The following RASA3 variants were observed in gnomAD, a reference collection of about 807,000 sequenced individuals.
RASA3 encodes the protein RAS p21 protein activator 3, also known as ras GTPase-activating protein 3.
A neutral mutation model predicts 110.0 loss-of-function variants in RASA3; 73 were observed. That is an observed-to-expected ratio of 0.66 (90% CI 0.55 to 0.81). RASA3 has a LOEUF of 0.81. Among genes scored for constraint, RASA3 ranks in the 30% least tolerant of loss-of-function variants. The probability of loss-of-function intolerance (pLI) is 0.00; values close to 1 mark genes in which losing one functional copy is unlikely to be tolerated. For missense variants in RASA3, 976 were observed against 1,113.2 expected, an observed-to-expected ratio of 0.88 and a Z score of 1.75; for synonymous variants, 500 against 451.4, an observed-to-expected ratio of 1.11 and a Z score of -1.37.
At chr13:114,049,223 G>T (rs1594386600) in intron 3 of RASA3, among the ~76,000 whole-genome samples, 2 of 152,162 alleles carry the variant, frequency 1.3e-5, no homozygotes, top group South Asian at 4.2e-4. Flanking sequence ...GAAGCCAGTG[G>T]CCACCGCGCA....
chr13:114,063,863 G>A (rs1444381125), intron 2 of RASA3, among the ~76,000 whole-genome samples: 1 of 152,162 alleles, frequency 6.6e-6, no homozygotes, highest in Non-Finnish European at 1.5e-5. Context: ...TTGCTAAACC[G>A]GTGGCAAAAA....
chr13:114,013,536 C>T (rs2053693799), intron 14 of RASA3, among the ~76,000 whole-genome samples: 1 of 146,250 alleles, frequency 6.8e-6, no homozygotes, highest in Admixed American at 6.8e-5. Context: ...CTCTCTGTCT[C>T]TCTCCCTCTC....
chr13:114,080,601 C>T (rs906534620), intron 1 of RASA3, among the ~76,000 whole-genome samples: 9 of 151,698 alleles, frequency 5.9e-5, no homozygotes, highest in African/African-American at 1.2e-4. Context: ...TCTATGGTGA[C>T]GGGGTGGCAG....
At chr13:114,075,027 G>A (rs972801762) in intron 1 of RASA3, among the ~76,000 whole-genome samples, 2 of 152,168 alleles carry the variant, frequency 1.3e-5, no homozygotes, top group African/African-American at 2.4e-5. Context: ...TTCTGCCTCC[G>A]TCATTTGGCT....
intron 4 of RASA3, among the ~76,000 whole-genome samples, chr13:114,040,706 C>CTG (rs2054383875): frequency 6.9e-5 from 10 of 144,210 alleles, no homozygotes; most frequent in African/African-American, 2.0e-4. Flanking sequence ...AAAATCCACA[C>CTG]GCGGAGCCCG....
intron 1 of RASA3, among the ~76,000 whole-genome samples, chr13:114,105,735 C>A (rs1024595998): frequency 7.9e-5 from 12 of 152,258 alleles, no homozygotes; most frequent in Non-Finnish European, 1.5e-4. Context: ...GCAGCCCGTC[C>A]GTTGTCCTGA....
At chr13:114,005,741 C>T (rs1199881033) in intron 18 of RASA3, among the ~76,000 whole-genome samples, 1 of 151,912 alleles carries the variant, frequency 6.6e-6, no homozygotes, top group Non-Finnish European at 1.5e-5. Flanking sequence ...ATCCCTTTCT[C>T]CCCTCCGGCC....
At chr13:114,070,915 C>T (rs1481372997) in intron 2 of RASA3, among the ~76,000 whole-genome samples, 10 of 125,612 alleles carry the variant, frequency 8.0e-5, no homozygotes, top group African/African-American at 3.0e-4. Context: ...CAGTTTTACA[C>T]GTGGGCAGGG....
At chr13:114,013,291 A>G (rs2053681979) in intron 14 of RASA3, 43 bp from the exon 15 acceptor site, 1 of 1,497,550 alleles carries the variant, frequency 6.7e-7, no homozygotes, top group Admixed American at 1.9e-5. Flanking sequence ...CTCGGGCACA[A>G]TGGCCTCGTG....
chr13:113,980,309 ACCT>A (rs1002211203), intron 23 of RASA3, among the ~76,000 whole-genome samples: 30 of 118,950 alleles, frequency 2.5e-4, no homozygotes, highest in Middle Eastern at 7.4e-3. Flanking sequence ...ATGTATGTGC[ACCT>A]CCTCCGTCTG....
intron 1 of RASA3, among the ~76,000 whole-genome samples, chr13:114,097,215 G>A (rs528403420): frequency 3.3e-5 from 5 of 152,226 alleles, no homozygotes; most frequent in Non-Finnish European, 5.9e-5. Flanking sequence ...CGAGAGGCCT[G>A]GGTGGTCTTA....
intron 23 of RASA3, among the ~76,000 whole-genome samples, chr13:113,980,446 CATGT>C (rs908678301): frequency 2.0e-5 from 2 of 100,640 alleles, no homozygotes; most frequent in African/African-American, 8.9e-5. Context: ...CACCTCCTGC[CATGT>C]GTGTGCACCT....
rs923215932 is a variant in RASA3 at position 114,048,925 on chromosome 13, C to A, written c.277+3127G>T. Reference sequence around the variant, plus strand: ...CTTTATTTCCCCAAGTCTCACTTGCCGGGGCGCCGTATCCCGGCACGGCTT... The same window carrying A: ...CTTTATTTCCCCAAGTCTCACTTGCAGGGGCGCCGTATCCCGGCACGGCTT... On this transcript the variant is annotated intron_variant, in intron 3 of 23. Coordinates refer to ENST00000334062, the MANE Select transcript of RASA3 (RefSeq NM_007368.4). This position sits in a 1 kb window ranked among gnomAD's most constrained non-coding sequence, Gnocchi z 4.3. 1.3e-5 allele frequency among the ~76,000 whole-genome samples: 2 copies of A among 151,948 alleles called. No homozygotes were observed. Among genetic ancestry groups the A allele is most frequent in the African/African-American group, 2.4e-5 (1 of 41,358 alleles).
chr13:114,109,744 G>A (rs542299787), intron 1 of RASA3, among the ~76,000 whole-genome samples: 3 of 151,788 alleles, frequency 2.0e-5, no homozygotes, highest in African/African-American at 7.3e-5. Flanking sequence ...AACGCCGTGA[G>A]CAGCCTCCTC....
intron 4 of RASA3, among the ~76,000 whole-genome samples, chr13:114,030,629 AGTCT>A (rs1368005804): frequency 1.3e-5 from 2 of 152,224 alleles, no homozygotes; most frequent in African/African-American, 4.8e-5. Flanking sequence ...TCTCTAGATC[AGTCT>A]GTCTGTGTGT....
chr13:114,097,668 C>T (rs935611283), intron 1 of RASA3, among the ~76,000 whole-genome samples: 12 of 152,378 alleles, frequency 7.9e-5, no homozygotes, highest in Non-Finnish European at 5.9e-5. Context: ...TCCTTCTCCT[C>T]GTCCCAGTCC....
At chr13:114,041,314 G>T (rs2054401637) in intron 3 of RASA3, among the ~76,000 whole-genome samples, 1 of 152,250 alleles carries the variant, frequency 6.6e-6, no homozygotes, top group East Asian at 1.9e-4. Flanking sequence ...GTGAAAACTT[G>T]TCTCTACAAA....
At chr13:114,002,498 G>T (rs547979120) in intron 18 of RASA3, among the ~76,000 whole-genome samples, 15 of 152,222 alleles carry the variant, frequency 9.9e-5, no homozygotes, top group South Asian at 2.1e-4. Flanking sequence ...CGGGGGTTGG[G>T]GGGGGACTGG....
At chr13:114,050,172 G>GC (rs1462842686) in intron 3 of RASA3, among the ~76,000 whole-genome samples, 2 of 152,196 alleles carry the variant, frequency 1.3e-5, no homozygotes, top group African/African-American at 4.8e-5. Flanking sequence ...GAACCTGAGG[G>GC]CCTCCCAGGC....
Sources: allele counts gnomAD v4.1 joint callset (sites outside exome capture counted in the v4.1 genomes callset), GRCh38; gene constraint gnomAD v4.1.1; non-coding constraint Gnocchi (gnomAD v3.1); transcripts MANE v1.5; gene names NCBI Gene and HGNC (gene_info 2026-07-23, HGNC 2026-07-21).